SRD5A2: variants seen among roughly 807,000 people sequenced by gnomAD.
The protein encoded by SRD5A2 is 3-oxo-5-alpha-steroid 4-dehydrogenase 2.
In SRD5A2, 30 loss-of-function variants were observed where a neutral mutation model predicts 27.4. The ratio of observed to expected loss-of-function variants is 1.10; its 90% CI spans 0.82 to 1.49. The LOEUF (loss-of-function observed/expected upper bound fraction) is 1.49. Ranked by LOEUF, SRD5A2 falls within the 40% of genes most tolerant of loss-of-function variation. SRD5A2 has a pLI of 0.00. For missense variants in SRD5A2, 348 were observed against 323.4 expected, an observed-to-expected ratio of 1.08 and a Z score of -0.58; for synonymous variants, 141 against 133.6, an observed-to-expected ratio of 1.06 and a Z score of -0.38.
At chr2:31,598,418 A>T in the SRD5A2 span, among the ~76,000 whole-genome samples, 16 of 152,106 alleles carry the variant, frequency 1.1e-4, 1 homozygote, top group South Asian at 2.5e-3. Context: ...ATGTAATGAA[A>T]CACCACCTGT....
At chr2:31,604,586 C>A in the SRD5A2 span, among the ~76,000 whole-genome samples, 1 of 151,580 alleles carries the variant, frequency 6.6e-6, no homozygotes, top group East Asian at 1.9e-4. Flanking sequence ...CACTTAGGAA[C>A]TAACTTAACC....
chr2:31,626,546 A>T, the SRD5A2 span, among the ~76,000 whole-genome samples: 3 of 152,114 alleles, frequency 2.0e-5, no homozygotes, highest in African/African-American at 7.2e-5. Context: ...CACCTAGATT[A>T]TTGAGAGTTT....
At chr2:31,571,827 C>T (rs1165837949) in intron 1 of SRD5A2, among the ~76,000 whole-genome samples, 1 of 152,170 alleles carries the variant, frequency 6.6e-6, no homozygotes, top group Non-Finnish European at 1.5e-5. Flanking sequence ...AATATCATCT[C>T]ACATCAATCA....
the SRD5A2 span, among the ~76,000 whole-genome samples, chr2:31,641,076 T>A: frequency 6.6e-6 from 1 of 152,194 alleles, no homozygotes; most frequent in Admixed American, 6.5e-5. Context: ...CCCTGGGAAC[T>A]GTCTCATCCT....
At chr2:31,535,254 T>C (rs943914754) in intron 1 of SRD5A2, among the ~76,000 whole-genome samples, 1 of 152,228 alleles carries the variant, frequency 6.6e-6, no homozygotes, top group South Asian at 2.1e-4. Context: ...ACTCTTGACC[T>C]CGTGATCCAC....
chr2:31,655,494 C>G, the SRD5A2 span, among the ~76,000 whole-genome samples: 1 of 152,210 alleles, frequency 6.6e-6, no homozygotes, highest in Non-Finnish European at 1.5e-5. Context: ...GCAAGCACAT[C>G]ATGGTTTCCA....
At chr2:31,560,773 C>T (rs1035807065) in intron 1 of SRD5A2, among the ~76,000 whole-genome samples, 7 of 152,054 alleles carry the variant, frequency 4.6e-5, no homozygotes, top group African/African-American at 7.2e-5. Flanking sequence ...CTCTATAATC[C>T]TATAGCCCTA....
chr2:31,576,720 C>G lies in SRD5A2; in HGVS notation c.281+3900G>C, dbSNP rs1170899622. Among the ~76,000 whole-genome samples the G allele has an allele frequency of 3.8e-5, 2 of 52,342 alleles. 1 individual carries two copies. The highest frequency in any genetic ancestry group is 3.9e-4 in the Admixed American group (2 of 5,084). The allele number at this position is 52,342 out of a possible 152,430, so 34.3% of individuals were successfully genotyped here. ...CACATATGTTTATTGTGGCACTATT[C>G]ACAATAGCAAAGACTTGGAACCAAC... is the stretch of plus-strand genomic sequence containing the variant. On this transcript the variant is annotated intron_variant, in intron 1 of 4. Coordinates refer to ENST00000622030, the MANE Select transcript of SRD5A2 (RefSeq NM_000348.4).
intron 1 of SRD5A2, among the ~76,000 whole-genome samples, chr2:31,560,240 G>T (rs759335582): frequency 3.9e-5 from 6 of 151,978 alleles, no homozygotes; most frequent in Non-Finnish European, 8.8e-5. Flanking sequence ...TGTTGCTACT[G>T]CTATTTAGAA....
intron 1 of SRD5A2, 141 bp downstream of exon 1, chr2:31,580,479 C>T: frequency 9.1e-7 from 1 of 1,101,592 alleles, no homozygotes; most frequent in Admixed American, 3.0e-5. Flanking sequence ...CCAGGTGCGC[C>T]AGGCAGGCTG....
chr2:31,563,809 C>T (rs1666675753), intron 1 of SRD5A2, among the ~76,000 whole-genome samples: 1 of 152,034 alleles, frequency 6.6e-6, no homozygotes, highest in African/African-American at 2.4e-5. Context: ...GATAGAAAAG[C>T]TCATATAAGA....
chr2:31,635,360 T>C, the SRD5A2 span, among the ~76,000 whole-genome samples: 2 of 152,194 alleles, frequency 1.3e-5, no homozygotes, highest in Non-Finnish European at 2.9e-5. Context: ...TTGAGAAATG[T>C]CTATTCAGAT....
At chr2:31,569,677 C>CAAAAAAAAAAAAAAAA (rs11421066) in intron 1 of SRD5A2, among the ~76,000 whole-genome samples, 1 of 138,574 alleles carries the variant, frequency 7.2e-6, no homozygotes, top group African/African-American at 2.6e-5. Flanking sequence ...AAACAAAAAA[C>CAAAAAAAAAAAAAAAA]AAAAAAAAAA....
chr2:31,533,771 G>T lies in SRD5A2; in HGVS notation c.282-5C>A. The T allele has an allele frequency of 6.2e-7, 1 of 1,600,188 alleles. No individual in the cohort carries two copies. Among genetic ancestry groups the T allele is most frequent in the Non-Finnish European group, 8.5e-7 (1 of 1,173,420 alleles). Reference sequence around the variant, plus strand: ...AGCAGTGAGTACACAAATGTCCTGGGACACACAGGGAGGAAAGGTTAGGAT... The same window carrying T: ...AGCAGTGAGTACACAAATGTCCTGGTACACACAGGGAGGAAAGGTTAGGAT... On this transcript the variant is annotated splice_polypyrimidine_tract_variant and splice_region_variant and intron_variant, in intron 1 of 4. Coordinates refer to ENST00000622030, the MANE Select transcript of SRD5A2 (RefSeq NM_000348.4).
At chr2:31,621,073 T>C in the SRD5A2 span, among the ~76,000 whole-genome samples, 1 of 151,468 alleles carries the variant, frequency 6.6e-6, no homozygotes, top group African/African-American at 2.4e-5. Context: ...TTCATATGCA[T>C]TTTAAAAAAA....
At chr2:31,626,872 T>C in the SRD5A2 span, among the ~76,000 whole-genome samples, 10 of 152,190 alleles carry the variant, frequency 6.6e-5, no homozygotes, top group African/African-American at 2.4e-4. Flanking sequence ...GCTTGCCTCA[T>C]AAAATGAGTT....
chr2:31,614,804 T>C, the SRD5A2 span, among the ~76,000 whole-genome samples: 1 of 151,892 alleles, frequency 6.6e-6, no homozygotes, highest in African/African-American at 2.4e-5. Flanking sequence ...TGTAAGCCAA[T>C]GATATGGTTT....
the SRD5A2 span, among the ~76,000 whole-genome samples, chr2:31,656,357 C>T: frequency 5.3e-5 from 8 of 152,158 alleles, no homozygotes; most frequent in East Asian, 5.8e-4. Context: ...TTTGATCATC[C>T]CTTTTCAGTT....
the SRD5A2 span, among the ~76,000 whole-genome samples, chr2:31,626,983 G>C: frequency 6.6e-6 from 1 of 152,098 alleles, no homozygotes; most frequent in Non-Finnish European, 1.5e-5. Flanking sequence ...GAATCTGTCT[G>C]GTCCTGGACT....
Sources: allele counts gnomAD v4.1 joint callset (sites outside exome capture counted in the v4.1 genomes callset), GRCh38; gene constraint gnomAD v4.1.1; transcripts MANE v1.5; gene names NCBI Gene and HGNC (gene_info 2026-07-23, HGNC 2026-07-21).